TBXAS1: variants seen among roughly 807,000 people sequenced by gnomAD.
TBXAS1 encodes the protein thromboxane-A synthase.
Under a neutral mutation model 60.7 loss-of-function variants are expected in TBXAS1, and 48 were observed. The ratio of observed to expected loss-of-function variants is 0.79; its 90% CI spans 0.63 to 1.01. The LOEUF (loss-of-function observed/expected upper bound fraction) is 1.01, where lower values mean the gene tolerates loss of function less well. TBXAS1 is among the 50% of genes least tolerant of loss of function. TBXAS1 has a pLI of 0.00. For synonymous variants in TBXAS1, 287 were observed against 269.7 expected (o/e 1.06, Z -0.63); for missense variants, 685 against 686.3 (o/e 1.00, Z 0.02).
At position 140,020,108 on chromosome 7, in the gene TBXAS1, G is replaced by T; in HGVS notation, c.*9G>T. On this transcript the variant is annotated 3_prime_UTR_variant, in exon 13 of 13. Coordinates refer to ENST00000448866, the MANE Select transcript of TBXAS1 (RefSeq NM_001061.7). Reference sequence around the variant, plus strand: ...AGATCGTATCCCGCTGACACAGAAGGCTGCCGGGTGGGGGGAGGGCACCCC... The same window carrying T: ...AGATCGTATCCCGCTGACACAGAAGTCTGCCGGGTGGGGGGAGGGCACCCC... 6.2e-7 allele frequency: 1 copy of T among 1,613,652 alleles called. No individual in the cohort carries two copies. Among genetic ancestry groups the T allele is most frequent in the South Asian group, 1.1e-5 (1 of 91,058 alleles).
chr7:139,862,598 A>G (rs1000499303), intron 1 of TBXAS1, among the ~76,000 whole-genome samples: 4 of 152,178 alleles, frequency 2.6e-5, no homozygotes, highest in Admixed American at 2.6e-4. Flanking sequence ...GGCCAAATCC[A>G]AGGAGTTTGC....
At chr7:139,849,931 A>G (rs573809893) in intron 1 of TBXAS1, among the ~76,000 whole-genome samples, 3 of 152,220 alleles carry the variant, frequency 2.0e-5, no homozygotes, top group Non-Finnish European at 4.4e-5. Flanking sequence ...AGAAAGGAAT[A>G]TGGCTGAAAA....
intron 3 of TBXAS1, among the ~76,000 whole-genome samples, chr7:139,905,005 C>CTCTTTCTTTCTTTCTTTCTTTCTT (rs775007248): frequency 8.8e-5 from 8 of 90,418 alleles, no homozygotes; most frequent in East Asian, 3.1e-4. Flanking sequence ...CTCTCTTTCT[C>CTCTTTCTTTCTTTCTTTCTTTCTT]TCTTTCTTTC....
At chr7:139,849,769 C>T (rs978552865) in intron 1 of TBXAS1, among the ~76,000 whole-genome samples, 21 of 152,182 alleles carry the variant, frequency 1.4e-4, no homozygotes, top group Admixed American at 4.6e-4. Flanking sequence ...GTTCAGAAGA[C>T]CAGGGGAAAC....
At chr7:139,907,235 A>G (rs992687523) in intron 3 of TBXAS1, among the ~76,000 whole-genome samples, 2 of 152,180 alleles carry the variant, frequency 1.3e-5, no homozygotes, top group African/African-American at 4.8e-5. Flanking sequence ...TTTATCATGA[A>G]CAAGTGCTGG....
At chr7:139,902,817 T>C (rs896093823) in intron 3 of TBXAS1, among the ~76,000 whole-genome samples, 1 of 152,190 alleles carries the variant, frequency 6.6e-6, no homozygotes, top group Non-Finnish European at 1.5e-5. Context: ...TGTGAAATGA[T>C]ATCTCATTGT....
rs80244437 is a variant in TBXAS1 at position 140,017,802 on chromosome 7, A to C, written c.1496A>C (p.Lys499Thr). 291 of 1,613,978 alleles carry C rather than the reference A, an allele frequency of 1.8e-4. No homozygotes were observed. The highest frequency in any genetic ancestry group is 9.9e-4 in the Middle Eastern group (6 of 6,062). Residue 499 changes from lysine (K) to threonine (T), a missense_variant, in exon 12 of 13, where the codon AAG becomes ACG. Transcript: ENST00000448866. ...VKLTLLHVLH[K>T]FRFQACPETQ... The stretch of plus-strand genomic sequence containing the variant: ...TTGACACTGCTCCACGTGCTGCACA[A>C]GTTCCGGTTCCAAGCCTGCCCTGAG...
intron 3 of TBXAS1, among the ~76,000 whole-genome samples, chr7:139,900,592 CACAA>C (rs1804488565): frequency 6.6e-6 from 1 of 152,192 alleles, no homozygotes; most frequent in African/African-American, 2.4e-5. Context: ...GGAAACCCAA[CACAA>C]ACTAACTTTA....
rs541002935 is a variant in TBXAS1, at chr7:140,013,910, G to A, written c.1227-1813G>A. ...TCTTCCTGGCTTCTGATCTGCTGCC[G>A]TCCCCGATTCATGGCCTCACTTCAC... On this transcript the variant is annotated intron_variant, in intron 10 of 12. Transcript: ENST00000448866. The surrounding 1 kb of genome is among the most constrained non-coding windows in gnomAD (Gnocchi z 4.2). 3.3e-4 allele frequency among the ~76,000 whole-genome samples: 51 copies of A among 152,292 alleles called. 1 individual carries two copies. The highest frequency in any genetic ancestry group is 8.2e-4 in the African/African-American group (34 of 41,546).
chr7:139,930,986 C>T (rs1447305396), intron 4 of TBXAS1, among the ~76,000 whole-genome samples: 1 of 152,006 alleles, frequency 6.6e-6, no homozygotes, highest in East Asian at 1.9e-4. Context: ...TTTGGTTTTT[C>T]AAGCTTTTTT....
intron 4 of TBXAS1, among the ~76,000 whole-genome samples, chr7:139,809,327 GA>G (rs1797968725): frequency 4.1e-5 from 5 of 121,764 alleles, no homozygotes; most frequent in African/African-American, 1.8e-4. Context: ...AGATTAGATA[GA>G]TAGATAGATA....
intron 5 of TBXAS1, among the ~76,000 whole-genome samples, chr7:139,950,736 GC>G (rs1569518118): frequency 9.5e-6 from 1 of 105,516 alleles, no homozygotes; most frequent in Non-Finnish European, 2.0e-5. Context: ...GGACCCCCTC[GC>G]CCTCCATCTA....
chr7:139,915,253 T>G (rs188515384), intron 4 of TBXAS1, among the ~76,000 whole-genome samples: 44 of 152,366 alleles, frequency 2.9e-4, no homozygotes, highest in African/African-American at 1.0e-3. Context: ...TGGTTCCCTC[T>G]TATCCATATG....
rs112220991 is a variant in TBXAS1, at chr7:140,017,899, G to A, written c.1527+66G>A. On this transcript the variant is annotated intron_variant, in intron 12 of 12. Transcript: ENST00000448866. ...TGGGAGGGCCACCCCAGTTCTCTGC[G>A]TGAGAGCAGGCCAGCCTGGGGGCAA... is the stretch of plus-strand genomic sequence containing the variant. The A allele has an allele frequency of 2.1e-3, 3,422 of 1,609,378 alleles. 62 individuals are homozygous for A. The highest frequency in any genetic ancestry group is 3.5e-4 in the African/African-American group (26 of 74,954).
intron 4 of TBXAS1, among the ~76,000 whole-genome samples, chr7:139,799,235 AT>A (rs35555385): frequency 8.4e-4 from 121 of 144,114 alleles, no homozygotes; most frequent in African/African-American, 1.7e-3. Flanking sequence ...AGCCCAGCTA[AT>A]TTTTTTTTTT....
chr7:139,975,701 G>A lies in TBXAS1; in HGVS notation c.1134+13468G>A, dbSNP rs1179444278. Among the ~76,000 whole-genome samples the A allele has an allele frequency of 1.3e-5, 2 of 152,198 alleles. No homozygotes were observed. The highest frequency in any genetic ancestry group is 4.8e-5 in the African/African-American group (2 of 41,450). On this transcript the variant is annotated intron_variant, in intron 9 of 12. Transcript: ENST00000448866. This position sits in a 1 kb window ranked among gnomAD's most constrained non-coding sequence, Gnocchi z 4.4. ...TGTCATCCAGGCTCTGAGCCCTGAG[G>A]ATAATAAGTTTCCCTCGAAGGTCCT... is the stretch of plus-strand genomic sequence containing the variant.
At chr7:139,958,670 C>A (rs564298192) in intron 8 of TBXAS1, among the ~76,000 whole-genome samples, 8 of 152,172 alleles carry the variant, frequency 5.3e-5, no homozygotes, top group African/African-American at 1.9e-4. Flanking sequence ...CTTGATACAC[C>A]GAGCGGCCTT....
upstream of TBXAS1, among the ~76,000 whole-genome samples, chr7:139,825,651 G>A (rs780768276): frequency 2.6e-5 from 4 of 152,190 alleles, no homozygotes; most frequent in Admixed American, 6.5e-5. Flanking sequence ...TGAGGGGCAC[G>A]TTCTAAATCA....
chr7:139,924,709 T>C (rs189498530), intron 4 of TBXAS1, among the ~76,000 whole-genome samples: 4 of 152,322 alleles, frequency 2.6e-5, no homozygotes, highest in Admixed American at 2.6e-4. Flanking sequence ...GCTTGTGGGG[T>C]ATTACTCAAG....
Sources: gnomAD v4.1 joint callset for allele counts (sites outside exome capture counted in the v4.1 genomes callset) on GRCh38, gnomAD v4.1.1 for gene constraint, Gnocchi (gnomAD v3.1) non-coding constraint, MANE v1.5 for transcripts, NCBI Gene and HGNC (gene_info 2026-07-23, HGNC 2026-07-21) for gene names.